Variants in UGT1A5 observed in about 807,000 individuals in gnomAD.
UGT1A5 encodes the protein UDP-glucuronosyltransferase 1A5.
A neutral mutation model predicts 40.3 loss-of-function variants in UGT1A5; 29 were observed. That is an observed-to-expected ratio of 0.72 (90% CI 0.54 to 0.98). The LOEUF (loss-of-function observed/expected upper bound fraction) is 0.98. Among genes scored for constraint, UGT1A5 ranks in the 50% least tolerant of loss-of-function variants. The probability of loss-of-function intolerance (pLI) is 0.00; values close to 1 mark genes in which losing one functional copy is unlikely to be tolerated. For missense variants in UGT1A5, 678 were observed against 677.9 expected (o/e 1.00, Z 0.00); for synonymous variants, 257 against 262.5 (o/e 0.98, Z 0.20).
At chr2:233,743,802 T>C (rs181906347) in intron 1 of UGT1A5, 13 of 1,367,286 alleles carry the variant, frequency 9.5e-6, no homozygotes, top group Non-Finnish European at 1.3e-5. Context: ...GCTTCCTCCT[T>C]GTTCTCAGGG....
At chr2:233,760,058 T>C (rs749323547) in intron 1 of UGT1A5, among the ~76,000 whole-genome samples, 16 of 152,188 alleles carry the variant, frequency 1.1e-4, no homozygotes, top group Non-Finnish European at 2.1e-4. Context: ...CTCAAGAATG[T>C]GATTTGAGTA....
At position 233,769,852 on chromosome 2, in the gene UGT1A5, T is replaced by C; in HGVS notation, c.1307+1413T>C. On this transcript the variant is annotated intron_variant, in intron 4 of 4. Coordinates refer to ENST00000373414, the MANE Select transcript of UGT1A5 (RefSeq NM_019078.2). The surrounding 1 kb of genome is among the most constrained non-coding windows in gnomAD (Gnocchi z 4.4). ...CAACCTGGGCAACAGAGTGAGACCC[T>C]GTCTCAAAAAAAAAAAAAAAAATGA... The C allele has an allele frequency of 2.2e-6, 1 of 461,208 alleles. No individual in the cohort carries two copies. Among genetic ancestry groups the C allele is most frequent in the South Asian group, 5.8e-5 (1 of 17,366 alleles). The allele number at this position is 461,208 out of a possible 1,614,324, so 28.6% of individuals were successfully genotyped here.
At chr2:233,761,193 A>G (rs764178788) in intron 1 of UGT1A5, 2 of 1,614,148 alleles carry the variant, frequency 1.2e-6, no homozygotes, top group Non-Finnish European at 8.5e-7. Context: ...ATATTCTTTC[A>G]GATGTATTAC....
At chr2:233,760,556 A>G (rs1285506084) in intron 1 of UGT1A5, 1 of 1,614,220 alleles carries the variant, frequency 6.2e-7, no homozygotes, top group Admixed American at 1.7e-5. Context: ...GATGTGAAAG[A>G]GTCTTTTGTT....
Position 233,773,232 on chromosome 2 carries a change from G to A in UGT1A5, c.*673G>A, listed in dbSNP as rs915315951. On this transcript the variant is annotated 3_prime_UTR_variant, in exon 5 of 5. Transcript: ENST00000373414. Reference sequence around the variant, plus strand: ...ACCCAAAATACAGCTATGAAGTGCTGGGCAAGTTTACTTTTTTTCTGATGT... The same window carrying A: ...ACCCAAAATACAGCTATGAAGTGCTAGGCAAGTTTACTTTTTTTCTGATGT... The A allele has an allele frequency of 1.3e-5, 2 of 152,202 alleles. No individual in the cohort carries two copies. Among genetic ancestry groups the A allele is most frequent in the East Asian group, 3.7e-4 (2 of 5,344 alleles). The allele number at this position is 152,202 out of a possible 1,614,324, so 9.4% of individuals were successfully genotyped here. A position where few individuals can be genotyped will look rare whatever the true frequency, so the allele number is the denominator to read the frequency against.
chr2:233,714,997 C>A (rs1229091752), intron 1 of UGT1A5, among the ~76,000 whole-genome samples: 1 of 152,164 alleles, frequency 6.6e-6, no homozygotes, highest in Non-Finnish European at 1.5e-5. Context: ...CTGCCTCAGC[C>A]TCCCAAGTAG....
At chr2:233,742,031 C>T (rs1309709104) in intron 1 of UGT1A5, 1 of 151,878 alleles carries the variant, frequency 6.6e-6, no homozygotes, top group African/African-American at 2.4e-5. Context: ...TTTGATATGT[C>T]CCAAGCATAG....
In UGT1A5 at chr2:233,738,655, C is replaced by T. The variant is rs542122703; in HGVS notation, c.867+24797C>T. Among the ~76,000 whole-genome samples, 17 of 152,092 alleles carry T rather than the reference C, an allele frequency of 1.1e-4. No homozygotes were observed. The East Asian group carries it at 1.4e-3, about 12-fold the overall frequency. On this transcript the variant is annotated intron_variant, in intron 1 of 4. Coordinates refer to ENST00000373414, the MANE Select transcript of UGT1A5 (RefSeq NM_019078.2). Reference sequence around the variant, plus strand: ...CCTGCCCTAGAGCTCTTTGGAACTACGAACTTGAGAGAGATGATCTGAAAT... The same window carrying T: ...CCTGCCCTAGAGCTCTTTGGAACTATGAACTTGAGAGAGATGATCTGAAAT...
intron 1 of UGT1A5, chr2:233,743,217 C>G: frequency 2.4e-6 from 1 of 409,784 alleles, no homozygotes; most frequent in Non-Finnish European, 4.8e-6. Context: ...AGTAACTGCT[C>G]TTTGCTATTT....
intron 1 of UGT1A5, chr2:233,753,428 T>C (rs1420824589): frequency 6.6e-6 from 1 of 152,236 alleles, no homozygotes; most frequent in East Asian, 1.9e-4. Context: ...ACAGTATTTG[T>C]TGGTTAATGA....
intron 1 of UGT1A5, among the ~76,000 whole-genome samples, chr2:233,727,564 G>A (rs1303726979): frequency 6.6e-6 from 1 of 152,214 alleles, no homozygotes; most frequent in Non-Finnish European, 1.5e-5. Flanking sequence ...CTCATCATGA[G>A]GGTGCTTAGG....
intron 1 of UGT1A5, chr2:233,744,022 A>C (rs773777598): frequency 3.4e-4 from 328 of 975,622 alleles, no homozygotes; most frequent in East Asian, 3.5e-4. Context: ...GCCTGGAGAG[A>C]CGCCCCTTAT....
At chr2:233,755,096 G>T (rs62191920) in intron 1 of UGT1A5, 3 of 1,334,468 alleles carry the variant, frequency 2.2e-6, no homozygotes, top group Non-Finnish European at 3.0e-6. Context: ...GTTTCTACGC[G>T]TCCGACAACA....
chr2:233,769,044 C>T lies in UGT1A5; in HGVS notation c.1307+605C>T, dbSNP rs1247244577. ...AAGTTGCCATAATAGACATCTGATC[C>T]ATAAGTTTCCTGCACAGAAAGAAAT... On this transcript the variant is annotated intron_variant, in intron 4 of 4. Coordinates refer to ENST00000373414, the MANE Select transcript of UGT1A5 (RefSeq NM_019078.2). The surrounding 1 kb of genome is among the most constrained non-coding windows in gnomAD (Gnocchi z 4.4). Among the ~76,000 whole-genome samples the T allele has an allele frequency of 6.6e-6, 1 of 152,006 alleles. No individual in the cohort carries two copies. The highest frequency in any genetic ancestry group is 1.5e-5 in the Non-Finnish European group (1 of 68,012).
At chr2:233,768,085 C>T (rs1699559246) in intron 3 of UGT1A5, 135 bp from the exon 4 acceptor site, 1 of 1,591,380 alleles carries the variant, frequency 6.3e-7, no homozygotes, top group East Asian at 2.2e-5. Context: ...TATCTCAACC[C>T]ACATTTTCTT....
chr2:233,753,153 C>A (rs1198607979), intron 1 of UGT1A5: 1 of 152,212 alleles, frequency 6.6e-6, no homozygotes, highest in Non-Finnish European at 1.5e-5. Context: ...CATGTAAGTT[C>A]CCTTATCCGG....
At chr2:233,722,804 C>G (rs1575543281) in intron 1 of UGT1A5, among the ~76,000 whole-genome samples, 2 of 147,930 alleles carry the variant, frequency 1.4e-5, no homozygotes, top group Non-Finnish European at 3.0e-5. Context: ...TCATCTCCCT[C>G]TTATTTTTTC....
At chr2:233,760,806 T>C (rs751197990) in intron 1 of UGT1A5, 3 of 1,613,492 alleles carry the variant, frequency 1.9e-6, no homozygotes, top group Non-Finnish European at 2.5e-6. Context: ...TCTTCTTGCA[T>C]GCACTGCCAT....
intron 1 of UGT1A5, among the ~76,000 whole-genome samples, chr2:233,720,207 G>A (rs764211548): frequency 6.6e-6 from 1 of 152,150 alleles, no homozygotes; most frequent in Non-Finnish European, 1.5e-5. Flanking sequence ...TGTGAAGGTG[G>A]GATGGATGCA....
Sources: gnomAD v4.1 joint callset for allele counts (sites outside exome capture counted in the v4.1 genomes callset) on GRCh38, gnomAD v4.1.1 for gene constraint, Gnocchi (gnomAD v3.1) non-coding constraint, MANE v1.5 for transcripts, NCBI Gene and HGNC (gene_info 2026-07-23, HGNC 2026-07-21) for gene names.